The following GPCPD1 variants were observed in gnomAD, a reference collection of about 807,000 sequenced individuals.
GPCPD1 encodes the protein glycerophosphocholine phosphodiesterase GPCPD1.
Under a neutral mutation model 89.2 loss-of-function variants are expected in GPCPD1, and 29 were observed. That is an observed-to-expected ratio of 0.33 (90% confidence interval 0.24 to 0.44). The LOEUF is 0.44. Among genes scored for constraint, GPCPD1 ranks in the 20% least tolerant of loss-of-function variants. The pLI, the probability that GPCPD1 is intolerant of heterozygous loss-of-function variation, is 1.00. For missense variants in GPCPD1, 594 were observed against 808.9 expected, an observed-to-expected ratio of 0.73 and a Z score of 3.22; for synonymous variants, 258 against 266.3, an observed-to-expected ratio of 0.97 and a Z score of 0.30.
At chr20:5,556,175 G>GT (rs1985756910) in intron 19 of GPCPD1, among the ~76,000 whole-genome samples, 1 of 152,086 alleles carries the variant, frequency 6.6e-6, no homozygotes, top group Non-Finnish European at 1.5e-5. Context: ...CAGACACAAC[G>GT]CTACTGTACA....
intron 19 of GPCPD1, among the ~76,000 whole-genome samples, chr20:5,551,105 A>C (rs1026292882): frequency 5.3e-5 from 8 of 152,044 alleles, no homozygotes; most frequent in African/African-American, 1.9e-4. Flanking sequence ...GCTTTGGCCT[A>C]CTCCTGAGAA....
chr20:5,564,909 ATTGTCT>A, intron 15 of GPCPD1, 102 bp downstream of exon 15: 1 of 704,274 alleles, frequency 1.4e-6, no homozygotes, highest in South Asian at 1.7e-5. Flanking sequence ...TCATATTAAC[ATTGTCT>A]TTAACACAGC....
At chr20:5,571,723 A>G (rs1051490352) in intron 11 of GPCPD1, among the ~76,000 whole-genome samples, 1 of 152,188 alleles carries the variant, frequency 6.6e-6, no homozygotes, top group Non-Finnish European at 1.5e-5. Context: ...AGCCTGGCCA[A>G]CATGGCGAAA....
intron 3 of GPCPD1, among the ~76,000 whole-genome samples, chr20:5,597,865 A>G (rs1235946126): frequency 6.6e-6 from 1 of 152,220 alleles, no homozygotes; most frequent in Non-Finnish European, 1.5e-5. Context: ...CAATGCCACT[A>G]GTGAATACAT....
chr20:5,554,336 T>C (rs1159888153), intron 19 of GPCPD1, among the ~76,000 whole-genome samples: 1 of 152,064 alleles, frequency 6.6e-6, no homozygotes, highest in African/African-American at 2.4e-5. Flanking sequence ...AAGATGCCCA[T>C]CTAGACCTTT....
chr20:5,569,651 G>A (rs1986595895), intron 12 of GPCPD1, among the ~76,000 whole-genome samples: 1 of 151,978 alleles, frequency 6.6e-6, no homozygotes. Context: ...CATTAGTCTT[G>A]AACATTTCCC....
chr20:5,555,583 G>A (rs530867710), intron 19 of GPCPD1, among the ~76,000 whole-genome samples: 9 of 152,140 alleles, frequency 5.9e-5, no homozygotes, highest in South Asian at 2.1e-4. Context: ...TTGGCAGGGC[G>A]CGGTGGCTCA....
chr20:5,579,714 C>T (rs1978331378), intron 7 of GPCPD1, among the ~76,000 whole-genome samples: 1 of 152,190 alleles, frequency 6.6e-6, no homozygotes, highest in African/African-American at 2.4e-5. Context: ...AATTTTACAA[C>T]AAACTATTGC....
intron 1 of GPCPD1, among the ~76,000 whole-genome samples, chr20:5,608,758 A>G (rs1980760454): frequency 6.6e-6 from 1 of 152,210 alleles, no homozygotes; most frequent in South Asian, 2.1e-4. Context: ...ATTACCTCAC[A>G]TACAGACTAC....
chr20:5,594,533 C>A (rs1979570350), intron 3 of GPCPD1, among the ~76,000 whole-genome samples: 1 of 152,084 alleles, frequency 6.6e-6, no homozygotes, highest in Admixed American at 6.6e-5. Flanking sequence ...ACCTCATGAT[C>A]CAACCGCCTC....
chr20:5,568,714 G>A (rs987183056), intron 12 of GPCPD1, among the ~76,000 whole-genome samples: 2 of 152,038 alleles, frequency 1.3e-5, no homozygotes, highest in Admixed American at 6.6e-5. Flanking sequence ...AGACCAGCCT[G>A]GCCAACATGG....
At chr20:5,559,163 T>G (rs552440556) in intron 17 of GPCPD1, among the ~76,000 whole-genome samples, 2 of 152,070 alleles carry the variant, frequency 1.3e-5, no homozygotes, top group African/African-American at 4.8e-5. Context: ...ATCACACCAC[T>G]GCACTCCAGC....
At chr20:5,554,561 G>A (rs900353916) in intron 19 of GPCPD1, among the ~76,000 whole-genome samples, 7 of 152,168 alleles carry the variant, frequency 4.6e-5, no homozygotes, top group African/African-American at 9.6e-5. Context: ...TCTGTACACA[G>A]CATGGTTTAC....
At chr20:5,594,081 G>A (rs1043820625) in intron 3 of GPCPD1, among the ~76,000 whole-genome samples, 1 of 152,160 alleles carries the variant, frequency 6.6e-6, no homozygotes, top group African/African-American at 2.4e-5. Flanking sequence ...CTCAACAGCT[G>A]CCTTAAGGTC....
In GPCPD1 at chr20:5,545,795, C is replaced by T. The variant is rs1434974275; in HGVS notation, c.*1866G>A. The T allele has an allele frequency of 6.6e-6, 1 of 152,232 alleles. No homozygotes were observed. Among genetic ancestry groups the T allele is most frequent in the African/African-American group, 2.4e-5 (1 of 41,434 alleles). 9.4% of individuals were successfully genotyped at this position (152,232 alleles called of 1,614,324 possible). ...TGTAGGCAGTGACTGTCTGCTCTCC[C>T]CAGCAACTAAACTGCTCAGAAGCCA... On this transcript the variant is annotated 3_prime_UTR_variant, in exon 20 of 20. Coordinates refer to ENST00000379019, the MANE Select transcript of GPCPD1 (RefSeq NM_019593.5).
intron 1 of GPCPD1, among the ~76,000 whole-genome samples, chr20:5,609,421 C>T (rs1160763244): frequency 1.3e-5 from 2 of 152,164 alleles, no homozygotes; most frequent in East Asian, 1.9e-4. Flanking sequence ...GTTAATGGAT[C>T]TTTATTTAAA....
chr20:5,601,461 A>G (rs990609775), intron 2 of GPCPD1, among the ~76,000 whole-genome samples: 4 of 139,286 alleles, frequency 2.9e-5, no homozygotes, highest in Non-Finnish European at 4.5e-5. Context: ...TTCTACCTCC[A>G]GGGTTCAAGC....
intron 15 of GPCPD1, among the ~76,000 whole-genome samples, chr20:5,563,005 C>T (rs6076851): frequency 0.15 from 22,302 of 146,796 alleles, 1,844 homozygotes; most frequent in Middle Eastern, 0.21. Flanking sequence ...TTTTTTGAGA[C>T]GGAGTCTCGC....
At chr20:5,581,108 G>A (rs1228608009) in intron 6 of GPCPD1, among the ~76,000 whole-genome samples, 4 of 151,904 alleles carry the variant, frequency 2.6e-5, no homozygotes, top group South Asian at 4.1e-4. Flanking sequence ...AACTCCTGAC[G>A]TCAAGTGATC....
Sources: gnomAD v4.1 joint callset for allele counts (sites outside exome capture counted in the v4.1 genomes callset) on GRCh38, gnomAD v4.1.1 for gene constraint, MANE v1.5 for transcripts, NCBI Gene and HGNC (gene_info 2026-07-23, HGNC 2026-07-21) for gene names.